The following NDUFAF5 variants were observed in gnomAD, a reference collection of about 807,000 sequenced individuals.
NDUFAF5 encodes the protein arginine-hydroxylase NDUFAF5, mitochondrial.
In NDUFAF5, 34 loss-of-function variants were observed where a neutral mutation model predicts 48.9. That is an observed-to-expected ratio of 0.70 (90% CI 0.53 to 0.93). The LOEUF (loss-of-function observed/expected upper bound fraction) is 0.93, where lower values mean the gene tolerates loss of function less well. Ranked by LOEUF, NDUFAF5 falls within the 40% of genes least tolerant of loss-of-function variation. NDUFAF5 has a pLI of 0.00. For synonymous variants in NDUFAF5, 153 were observed against 150.6 expected (o/e 1.02, Z -0.12); for missense variants, 428 against 427.5 (o/e 1.00, Z -0.01).
intron 2 of NDUFAF5, 72 bp from the exon 3 acceptor site, chr20:13,788,517 C>T (rs2147483881): frequency 8.3e-7 from 1 of 1,209,030 alleles, no homozygotes; most frequent in African/African-American, 1.5e-5. Context: ...ATGATTTTAC[C>T]TAAGAAAAAA....
Position 13,788,633 on chromosome 20 carries a change from T to C in NDUFAF5, c.308T>C (p.Ile103Thr), listed in dbSNP as rs1327531746. 1.1e-5 allele frequency: 18 copies of C among 1,610,464 alleles called. No individual in the cohort carries two copies. The highest frequency in any genetic ancestry group is 1.4e-5 in the Non-Finnish European group (16 of 1,176,800). ...ALDLGCGRGY[I>T]AQYLNKETIG... is the part of the protein sequence containing the mutation. ...GATCTTGGTTGTGGAAGAGGTTACA[T>C]TGCACAATATTTGAATAAGGTATAT... Residue 103 changes from isoleucine (I) to threonine (T), a missense_variant, in exon 3 of 11, where the codon ATT becomes ACT. Coordinates refer to ENST00000378106, the MANE Select transcript of NDUFAF5 (RefSeq NM_024120.5).
intron 6 of NDUFAF5, 54 bp downstream of exon 6, chr20:13,798,554 A>G: frequency 2.3e-6 from 3 of 1,307,056 alleles, no homozygotes; most frequent in Non-Finnish European, 3.3e-6. Context: ...TTATTGTTAG[A>G]AATCTACAGA....
At chr20:13,797,753 T>C (rs1400076931) in intron 5 of NDUFAF5, among the ~76,000 whole-genome samples, 3 of 152,172 alleles carry the variant, frequency 2.0e-5, no homozygotes, top group Non-Finnish European at 4.4e-5. Context: ...TAATCACTTA[T>C]CAGTATAGCT....
In NDUFAF5 at chr20:13,791,846, G is replaced by T. The variant is rs184003592; in HGVS notation, c.328-1334G>T. Among the ~76,000 whole-genome samples the T allele has an allele frequency of 3.8e-3, 575 of 152,318 alleles. 3 individuals carry two copies. The highest frequency in any genetic ancestry group is 0.013 in the African/African-American group (527 of 41,576). On this transcript the variant is annotated intron_variant, in intron 3 of 10. Transcript: ENST00000378106. Reference sequence around the variant, plus strand: ...TATCCATAGTAGTGTTCATCAGTGTGTGTGGCCCCATATGAATATGCTACA... The same window carrying T: ...TATCCATAGTAGTGTTCATCAGTGTTTGTGGCCCCATATGAATATGCTACA...
At chr20:13,805,706 A>AG (rs1443306138) in intron 7 of NDUFAF5, among the ~76,000 whole-genome samples, 2 of 152,112 alleles carry the variant, frequency 1.3e-5, no homozygotes, top group Non-Finnish European at 2.9e-5. Context: ...TGGGAGGCCT[A>AG]GGTCAGAGAA....
intron 7 of NDUFAF5, among the ~76,000 whole-genome samples, chr20:13,806,943 G>A (rs545198179): frequency 3.3e-5 from 5 of 152,180 alleles, no homozygotes; most frequent in Admixed American, 2.6e-4. Flanking sequence ...GTGCAGTGGC[G>A]AGATCTCCGC....
At chr20:13,801,806 TC>T (rs1984200470) in intron 7 of NDUFAF5, 123 bp downstream of exon 7, 2 of 832,466 alleles carry the variant, frequency 2.4e-6, no homozygotes, top group Non-Finnish European at 3.8e-6. Context: ...CCTTTTTTTT[TC>T]TCTTTTTAAG....
Position 13,808,341 on chromosome 20 carries a change from T to C in NDUFAF5, c.718-501T>C, listed in dbSNP as rs188311698. 3.3e-5 allele frequency among the ~76,000 whole-genome samples: 5 copies of C among 152,278 alleles called. No individual in the cohort carries two copies. In the East Asian group the frequency reaches 9.6e-4, roughly 29 times the overall value. ...AGGAAGTCATTACCCAATTGTTCAT[T>C]TGAGAAACAAACTCCACATGTATCA... On this transcript the variant is annotated intron_variant, in intron 7 of 10. Coordinates refer to ENST00000378106, the MANE Select transcript of NDUFAF5 (RefSeq NM_024120.5).
At position 13,817,535 on chromosome 20, in the gene NDUFAF5, T is replaced by C; in HGVS notation, c.*325T>C. On this transcript the variant is annotated 3_prime_UTR_variant, in exon 11 of 11. Transcript: ENST00000378106. Reference sequence around the variant, plus strand: ...TGCTGACCTTTTACACCTTTTTCATTTGTCATACTGTTTTCTTTGCCTTGA... The same window carrying C: ...TGCTGACCTTTTACACCTTTTTCATCTGTCATACTGTTTTCTTTGCCTTGA... 1 of 480,954 alleles carries C rather than the reference T, an allele frequency of 2.1e-6. No individual in the cohort carries two copies. Among genetic ancestry groups the C allele is most frequent in the South Asian group, 1.5e-5 (1 of 64,716 alleles). 29.8% of individuals were successfully genotyped at this position (480,954 alleles called of 1,614,324 possible).
At chr20:13,797,269 T>C (rs1983387597) in intron 5 of NDUFAF5, among the ~76,000 whole-genome samples, 1 of 152,188 alleles carries the variant, frequency 6.6e-6, no homozygotes, top group Non-Finnish European at 1.5e-5. Flanking sequence ...GATGAAAACT[T>C]ACGTCCACGC....
At chr20:13,785,670 C>T (rs891213761) in intron 1 of NDUFAF5, among the ~76,000 whole-genome samples, 2 of 152,072 alleles carry the variant, frequency 1.3e-5, no homozygotes, top group Non-Finnish European at 2.9e-5. Context: ...CTGCCGGCCA[C>T]ACATGTGGCT....
chr20:13,790,098 T>C (rs1823717533), intron 3 of NDUFAF5, among the ~76,000 whole-genome samples: 1 of 152,048 alleles, frequency 6.6e-6, no homozygotes, highest in Non-Finnish European at 1.5e-5. Context: ...GATATAGTGA[T>C]GTTTAAGGAA....
rs140825379 is a variant in NDUFAF5 at position 13,790,659 on chromosome 20, A to C, written c.327+2007A>C. ...TAGTTTAGTAGTAATCCAGAGTCCT[A>C]ATCTATAAGACCCTCAGGATTCTGT... is the stretch of plus-strand genomic sequence containing the variant. On this transcript the variant is annotated intron_variant, in intron 3 of 10. Transcript: ENST00000378106. Among the ~76,000 whole-genome samples the C allele has an allele frequency of 2.3e-3, 354 of 152,232 alleles. 2 individuals carry two copies. Among genetic ancestry groups the C allele is most frequent in the African/African-American group, 8.4e-3 (347 of 41,530 alleles).
chr20:13,817,442 G>T lies in NDUFAF5; in HGVS notation c.*232G>T. 1.6e-6 allele frequency: 1 copy of T among 641,016 alleles called. No homozygotes were observed. Among genetic ancestry groups the T allele is most frequent in the South Asian group, 1.5e-5 (1 of 66,280 alleles). 39.7% of individuals were successfully genotyped at this position (641,016 alleles called of 1,614,324 possible). On this transcript the variant is annotated 3_prime_UTR_variant, in exon 11 of 11. Coordinates refer to ENST00000378106, the MANE Select transcript of NDUFAF5 (RefSeq NM_024120.5). The stretch of plus-strand genomic sequence containing the variant: ...TTTGCAGATTCAGCCTAAAAGCAAA[G>T]AAAATATTTCCCTAAAATATTTGCA...
intron 7 of NDUFAF5, among the ~76,000 whole-genome samples, chr20:13,806,568 A>C (rs556071238): frequency 1.3e-5 from 2 of 152,354 alleles, no homozygotes; most frequent in East Asian, 3.9e-4. Context: ...AATTTAAATA[A>C]GGCCTTCAAC....
chr20:13,789,957 A>G (rs1416763827), intron 3 of NDUFAF5, among the ~76,000 whole-genome samples: 1 of 152,202 alleles, frequency 6.6e-6, no homozygotes, highest in Non-Finnish European at 1.5e-5. Flanking sequence ...GTAGGAGTTC[A>G]TGTGGTCAAG....
At chr20:13,814,263 G>A in intron 8 of NDUFAF5, 1 of 375,374 alleles carries the variant, frequency 2.7e-6, no homozygotes, top group Admixed American at 3.4e-5. Flanking sequence ...GATGATGGAG[G>A]CAGGGAGACC....
intron 5 of NDUFAF5, among the ~76,000 whole-genome samples, chr20:13,795,368 A>C (rs1426155902): frequency 6.6e-6 from 1 of 152,200 alleles, no homozygotes; most frequent in Non-Finnish European, 1.5e-5. Flanking sequence ...GTTGGGGGAA[A>C]AAAAAGTTGA....
rs113025986 is a variant in NDUFAF5 at position 13,799,244 on chromosome 20, T to C, written c.519+744T>C. 9.6e-3 allele frequency among the ~76,000 whole-genome samples: 1,460 copies of C among 152,304 alleles called. 28 individuals carry two copies. The highest frequency in any genetic ancestry group is 0.032 in the African/African-American group (1,327 of 41,562). On this transcript the variant is annotated intron_variant, in intron 6 of 10. Transcript: ENST00000378106. ...TGGAGTTTATGCAATTCAGAGCCACTGGAGCATTTTGAAGAGGAAAATGAC... is the reference window on the plus strand; with the variant it reads ...TGGAGTTTATGCAATTCAGAGCCACCGGAGCATTTTGAAGAGGAAAATGAC...
Sources: gnomAD v4.1 joint callset for allele counts (sites outside exome capture counted in the v4.1 genomes callset) on GRCh38, gnomAD v4.1.1 for gene constraint, MANE v1.5 for transcripts, NCBI Gene and HGNC (gene_info 2026-07-23, HGNC 2026-07-21) for gene names.